Variants in KDM6A observed in about 807,000 individuals in gnomAD.
The protein encoded by KDM6A is lysine demethylase 6A.
Under a neutral mutation model 117.6 loss-of-function variants are expected in KDM6A, and 11 were observed. That is an observed-to-expected ratio of 0.09 (90% confidence interval 0.06 to 0.15). KDM6A has a LOEUF of 0.15. KDM6A is among the 10% of genes least tolerant of loss of function. KDM6A has a pLI of 1.00. For missense variants in KDM6A, 799 were observed against 1,077.3 expected, an observed-to-expected ratio of 0.74 and a Z score of 3.62; for synonymous variants, 384 against 396.1, an observed-to-expected ratio of 0.97 and a Z score of 0.36.
chrX:45,082,821 G>A (rs2045475997), intron 23 of KDM6A, 32 bp downstream of exon 23: 2 of 898,880 alleles, frequency 2.2e-6, no homozygotes, highest in Non-Finnish European at 3.3e-6. Context: ...TCTGTGAACT[G>A]ATGCAAAGAG....
intron 2 of KDM6A, among the ~76,000 whole-genome samples, chrX:44,925,648 C>A (rs995057092): frequency 1.8e-5 from 2 of 111,558 alleles, no homozygotes; most frequent in African/African-American, 6.5e-5. Context: ...AAGTGTAATA[C>A]ACCATGAAAG....
chrX:45,036,950 A>G (rs1329264928), intron 7 of KDM6A, among the ~76,000 whole-genome samples: 1 of 113,053 alleles, frequency 8.8e-6, no homozygotes, highest in Non-Finnish European at 1.9e-5. Flanking sequence ...AACAGTTTGA[A>G]CCATCATGAG....
intron 2 of KDM6A, among the ~76,000 whole-genome samples, chrX:44,953,918 G>A (rs895675695): frequency 2.7e-5 from 3 of 110,224 alleles, no homozygotes; most frequent in East Asian, 5.7e-4. Context: ...TTAGCCAGGC[G>A]TGGTGGCGTG....
At chrX:44,925,852 A>G (rs1201230485) in intron 2 of KDM6A, among the ~76,000 whole-genome samples, 1 of 112,122 alleles carries the variant, frequency 8.9e-6, no homozygotes, top group Non-Finnish European at 1.9e-5. Flanking sequence ...TACAACAAAC[A>G]GGGTTTCATG....
chrX:45,105,758 C>G (rs2046506288), intron 27 of KDM6A, among the ~76,000 whole-genome samples: 1 of 112,305 alleles, frequency 8.9e-6, no homozygotes, highest in African/African-American at 3.2e-5. Context: ...GGTCCCCAAC[C>G]CCTGGGCTGC....
intron 4 of KDM6A, among the ~76,000 whole-genome samples, chrX:45,009,025 CTT>C (rs1361563734): frequency 8.9e-6 from 1 of 111,857 alleles, no homozygotes; most frequent in Non-Finnish European, 1.9e-5. Flanking sequence ...TTAGGACAAA[CTT>C]TAGCATTTTT....
chrX:44,987,642 T>G (rs1266692213), intron 4 of KDM6A, among the ~76,000 whole-genome samples: 1 of 111,451 alleles, frequency 9.0e-6, no homozygotes, highest in African/African-American at 3.3e-5. Context: ...GTCTGTAAAG[T>G]ATTTTATTTC....
At position 44,890,033 on chromosome X, in the gene KDM6A, A is replaced by G. The variant is rs1245747404; in HGVS notation, c.225+16046A>G. On this transcript the variant is annotated intron_variant, in intron 2 of 29. Transcript: ENST00000611820. Reference sequence around the variant, plus strand: ...ACAGAGAAGTTCCACACCAAAATATATGTCTTGTTCCCCTTTTATAGCCAT... The same window carrying G: ...ACAGAGAAGTTCCACACCAAAATATGTGTCTTGTTCCCCTTTTATAGCCAT... Among the ~76,000 whole-genome samples, 3 of 111,807 alleles carry G rather than the reference A, an allele frequency of 2.7e-5. No individual in the cohort carries two copies. The Admixed American group carries it at 2.9e-4, about 11-fold the overall frequency.
At chrX:45,088,765 T>C (rs1391277716) in intron 25 of KDM6A, among the ~76,000 whole-genome samples, 1 of 113,033 alleles carries the variant, frequency 8.8e-6, no homozygotes, top group Non-Finnish European at 1.9e-5. Flanking sequence ...GGTTGCTATG[T>C]TGTTTAAAAA....
At chrX:44,907,445 TTG>T (rs71867476) in intron 2 of KDM6A, among the ~76,000 whole-genome samples, 1,564 of 93,454 alleles carry the variant, frequency 0.017, 31 homozygotes, top group African/African-American at 0.056. Context: ...GCCCGGCTAA[TTG>T]TGTGTGTGTG....
chrX:45,007,566 G>A (rs766069477), intron 4 of KDM6A, among the ~76,000 whole-genome samples: 1 of 111,632 alleles, frequency 9.0e-6, no homozygotes, highest in Non-Finnish European at 1.9e-5. Flanking sequence ...TTTTAATTCT[G>A]TTTTTTTCCA....
At chrX:44,899,272 T>C (rs994296127) in intron 2 of KDM6A, among the ~76,000 whole-genome samples, 21 of 96,814 alleles carry the variant, frequency 2.2e-4, no homozygotes, top group African/African-American at 8.3e-4. Context: ...TGTTTTCCAT[T>C]GGTATTTAGC....
At chrX:45,099,624 A>G (rs2046256155) in intron 27 of KDM6A, among the ~76,000 whole-genome samples, 1 of 112,207 alleles carries the variant, frequency 8.9e-6, no homozygotes, top group Non-Finnish European at 1.9e-5. Flanking sequence ...TTAAAAAGGC[A>G]ATTTTAAAAC....
chrX:45,097,476 A>C (rs1228484740), intron 27 of KDM6A, among the ~76,000 whole-genome samples: 7 of 111,660 alleles, frequency 6.3e-5, no homozygotes, highest in Non-Finnish European at 1.3e-4. Context: ...TCAGCACTAA[A>C]ACATAGAAAT....
At chrX:45,034,236 C>T (rs746928264) in intron 6 of KDM6A, among the ~76,000 whole-genome samples, 16 of 111,260 alleles carry the variant, frequency 1.4e-4, no homozygotes, top group African/African-American at 4.9e-4. Flanking sequence ...TGATAATATG[C>T]GCTCCTAAAA....
intron 27 of KDM6A, among the ~76,000 whole-genome samples, chrX:45,102,345 A>G (rs12008338): frequency 8.9e-6 from 1 of 111,901 alleles, no homozygotes; most frequent in Non-Finnish European, 1.9e-5. Context: ...TTTCTTTCAC[A>G]TACATTATAG....
At chrX:45,002,746 T>C (rs927128670) in intron 4 of KDM6A, among the ~76,000 whole-genome samples, 6 of 110,734 alleles carry the variant, frequency 5.4e-5, no homozygotes, top group Non-Finnish European at 1.1e-4. Context: ...TTCTTTGACA[T>C]ACCTCAACTT....
intron 27 of KDM6A, among the ~76,000 whole-genome samples, chrX:45,103,977 A>ACACC (rs1265117314): frequency 1.8e-5 from 2 of 111,090 alleles, no homozygotes; most frequent in Non-Finnish European, 3.8e-5. Flanking sequence ...CTATGTGTTT[A>ACACC]CACCTTTTGC....
chrX:45,100,637 C>T (rs747758938), intron 27 of KDM6A, among the ~76,000 whole-genome samples: 44 of 110,776 alleles, frequency 4.0e-4, no homozygotes, highest in African/African-American at 1.4e-3. Context: ...ATTTGTCTTA[C>T]GCCCCTGTAA....
Sources: gnomAD v4.1 joint callset for allele counts (sites outside exome capture counted in the v4.1 genomes callset) on GRCh38, gnomAD v4.1.1 for gene constraint, MANE v1.5 for transcripts, NCBI Gene and HGNC (gene_info 2026-07-23, HGNC 2026-07-21) for gene names.